The following KCNN2 variants were observed in gnomAD, a reference collection of about 807,000 sequenced individuals.
The protein encoded by KCNN2 is potassium calcium-activated channel subfamily N member 2, also known as small conductance calcium-activated potassium channel protein 2.
Under a neutral mutation model 55.5 loss-of-function variants are expected in KCNN2, and 24 were observed. The observed-to-expected ratio is 0.43, with a 90% CI of 0.31 to 0.61. The LOEUF is 0.61. KCNN2 is among the 20% of genes least tolerant of loss of function. The pLI is 0.08. For synonymous variants in KCNN2, 431 were observed against 336.1 expected, an observed-to-expected ratio of 1.28 and a Z score of -3.09; for missense variants, 754 against 853.6, an observed-to-expected ratio of 0.88 and a Z score of 1.45.
At chr5:114,379,467 ATAT>A (rs1419269003) in intron 2 of KCNN2, among the ~76,000 whole-genome samples, 10 of 120,342 alleles carry the variant, frequency 8.3e-5, no homozygotes, top group South Asian at 2.6e-4. Flanking sequence ...ATTATATAAC[ATAT>A]TATATATTTA....
chr5:114,361,020 G>A (rs1380653146), upstream of KCNN2: 2 of 152,484 alleles, frequency 1.3e-5, no homozygotes, highest in Admixed American at 6.5e-5. Context: ...CTTTGAGCGA[G>A]CCGCCTGCCT....
At chr5:114,253,774 T>C (rs1412549409) in intron 2 of KCNN2, 1 of 152,220 alleles carries the variant, frequency 6.6e-6, no homozygotes, top group East Asian at 1.9e-4. Context: ...TTGTATTTGT[T>C]CCATTTCTAC....
chr5:114,345,392 T>C (rs1425591780), intron 2 of KCNN2, among the ~76,000 whole-genome samples: 1 of 152,236 alleles, frequency 6.6e-6, no homozygotes, highest in African/African-American at 2.4e-5. Context: ...CCTTCCTGAA[T>C]TCAGATTTCT....
chr5:114,434,760 T>G (rs1759943508), intron 3 of KCNN2, among the ~76,000 whole-genome samples: 1 of 152,144 alleles, frequency 6.6e-6, no homozygotes, highest in Non-Finnish European at 1.5e-5. Flanking sequence ...CCCATTTAGA[T>G]GCAACAGTAA....
intron 5 of KCNN2, among the ~76,000 whole-genome samples, chr5:114,483,826 T>C (rs1762337734): frequency 6.6e-6 from 1 of 152,054 alleles, no homozygotes; most frequent in Non-Finnish European, 1.5e-5. Flanking sequence ...ATTTCATAGG[T>C]CTTTTGGCCT....
At chr5:114,303,143 G>A (rs913222254) in intron 2 of KCNN2, among the ~76,000 whole-genome samples, 7 of 152,200 alleles carry the variant, frequency 4.6e-5, no homozygotes, top group Admixed American at 1.3e-4. Flanking sequence ...ATAAATATAC[G>A]TCTTGGGACA....
At chr5:114,218,484 A>G (rs1312418004) in intron 1 of KCNN2, among the ~76,000 whole-genome samples, 5 of 152,232 alleles carry the variant, frequency 3.3e-5, no homozygotes, top group Non-Finnish European at 7.3e-5. Context: ...TGAAGAATCC[A>G]TCTTCAAAGG....
chr5:114,098,673 G>A (rs922349488), intron 1 of KCNN2, among the ~76,000 whole-genome samples: 5 of 152,010 alleles, frequency 3.3e-5, no homozygotes, highest in African/African-American at 9.6e-5. Context: ...AAAAAGGTTG[G>A]GGACCGCTGG....
At chr5:114,188,292 C>T (rs987104480) in intron 1 of KCNN2, among the ~76,000 whole-genome samples, 1 of 152,150 alleles carries the variant, frequency 6.6e-6, no homozygotes, top group African/African-American at 2.4e-5. Context: ...TTTTATTACT[C>T]TTTCAGATCA....
At chr5:114,254,071 GC>G (rs1754933811) in intron 2 of KCNN2, among the ~76,000 whole-genome samples, 1 of 152,036 alleles carries the variant, frequency 6.6e-6, no homozygotes, top group Admixed American at 6.6e-5. Flanking sequence ...CAGCTTATAG[GC>G]CTTTTATTCT....
At chr5:114,465,326 G>A (rs950487047) in intron 4 of KCNN2, among the ~76,000 whole-genome samples, 2 of 152,070 alleles carry the variant, frequency 1.3e-5, no homozygotes, top group Non-Finnish European at 2.9e-5. Context: ...AAAAAGAGAG[G>A]TTATGGCCTG....
chr5:114,317,095 C>G (rs188711899), intron 2 of KCNN2, among the ~76,000 whole-genome samples: 7 of 152,250 alleles, frequency 4.6e-5, no homozygotes, highest in African/African-American at 1.7e-4. Flanking sequence ...CATCTCTCTT[C>G]CTAGTGAACT....
At chr5:114,390,543 T>A (rs1296522911) in intron 2 of KCNN2, among the ~76,000 whole-genome samples, 1 of 152,156 alleles carries the variant, frequency 6.6e-6, no homozygotes, top group African/African-American at 2.4e-5. Context: ...TAACATTTGT[T>A]GACACTATCC....
intron 3 of KCNN2, among the ~76,000 whole-genome samples, chr5:114,442,186 C>T (rs10076582): frequency 0.49 from 73,917 of 151,292 alleles, 20,094 homozygotes; most frequent in East Asian, 0.79. Context: ...AGAGATTTCA[C>T]GTGGGGAAGA....
intron 2 of KCNN2, among the ~76,000 whole-genome samples, chr5:114,372,752 C>T (rs10068757): frequency 0.74 from 112,465 of 151,812 alleles, 41,968 homozygotes; most frequent in East Asian, 0.97. Flanking sequence ...CTATTTGATA[C>T]GTTATTGTAT....
intron 2 of KCNN2, among the ~76,000 whole-genome samples, chr5:114,228,669 C>G (rs192428614): frequency 3.4e-4 from 52 of 152,170 alleles, no homozygotes; most frequent in Non-Finnish European, 3.2e-4. Flanking sequence ...CTTTCTCACT[C>G]AGCCCCTTAC....
intron 1 of KCNN2, among the ~76,000 whole-genome samples, chr5:114,139,353 C>T (rs566486721): frequency 2.0e-5 from 3 of 152,030 alleles, no homozygotes; most frequent in African/African-American, 7.2e-5. Context: ...CTAATGTCTT[C>T]TGACATTATA....
intron 4 of KCNN2, among the ~76,000 whole-genome samples, chr5:114,467,274 A>T (rs1195423034): frequency 1.3e-5 from 2 of 152,192 alleles, no homozygotes; most frequent in East Asian, 1.9e-4. Flanking sequence ...AGGTCTGATT[A>T]TACTCCTCTT....
Position 114,471,666 on chromosome 5 carries a change from A to T in KCNN2, c.1780-1388A>T, listed in dbSNP as rs376690991. On this transcript the variant is annotated intron_variant, in intron 4 of 7. Transcript: ENST00000673685. ...TCAGAAGGCTAAATCAGAATGTCTA[A>T]ATACTTGGCAACCTCTTTCTCTGAT... 1.6e-4 allele frequency among the ~76,000 whole-genome samples: 24 copies of T among 152,300 alleles called. No homozygotes were observed. In the South Asian group the frequency reaches 3.5e-3, roughly 22 times the overall value.
Sources: allele counts gnomAD v4.1 joint callset (sites outside exome capture counted in the v4.1 genomes callset), GRCh38; gene constraint gnomAD v4.1.1; transcripts MANE v1.5; gene names NCBI Gene and HGNC (gene_info 2026-07-23, HGNC 2026-07-21).